Variants in GPR55 observed in about 807,000 individuals in gnomAD.
The protein encoded by GPR55 is G-protein coupled receptor 55.
A neutral mutation model predicts 7.9 loss-of-function variants in GPR55; 6 were observed. The ratio of observed to expected loss-of-function variants is 0.76; its 90% CI spans 0.41 to 1.49. GPR55 has a LOEUF of 1.49. Among genes scored for constraint, GPR55 ranks in the 40% most tolerant of loss-of-function variants. GPR55 has a pLI of 0.01. For missense variants in GPR55, 376 were observed against 406.0 expected, an observed-to-expected ratio of 0.93 and a Z score of 0.63; for synonymous variants, 183 against 166.8, an observed-to-expected ratio of 1.10 and a Z score of -0.75.
At chr2:230,920,059 A>G (rs1690799325) in intron 1 of GPR55, among the ~76,000 whole-genome samples, 1 of 149,058 alleles carries the variant, frequency 6.7e-6, no homozygotes, top group East Asian at 2.0e-4. Flanking sequence ...AAGGTGGGTG[A>G]TTTTTAAAAT....
Position 230,909,866 on chromosome 2 carries a change from C to T in GPR55, c.*137G>A. On this transcript the variant is annotated 3_prime_UTR_variant, in exon 2 of 2. Coordinates refer to ENST00000650999, the MANE Select transcript of GPR55 (RefSeq NM_005683.4). ...TTTGGGGTATAATGAGCAAAGCTGG[C>T]ACTCAATGGGCATCAAAGGGAAGCA... 3.4e-6 allele frequency: 3 copies of T among 883,346 alleles called. No individual in the cohort carries two copies. The highest frequency in any genetic ancestry group is 5.3e-6 in the Non-Finnish European group (3 of 563,464). 54.7% of individuals were successfully genotyped at this position (883,346 alleles called of 1,614,324 possible).
intron 1 of GPR55, among the ~76,000 whole-genome samples, chr2:230,920,092 TTGTG>T (rs61504370): frequency 3.3e-5 from 5 of 149,506 alleles, no homozygotes; most frequent in Middle Eastern, 3.4e-3. Context: ...TCTCTGTCTT[TTGTG>T]TGTGTGTGTG....
At chr2:230,917,041 G>C (rs28432992) in intron 1 of GPR55, among the ~76,000 whole-genome samples, 3,795 of 152,276 alleles carry the variant, frequency 0.025, 160 homozygotes, top group African/African-American at 0.086. Flanking sequence ...GAAAGACAGG[G>C]AGGCAATATT....
chr2:230,938,526 C>T (rs1691169378), intron 1 of GPR55, among the ~76,000 whole-genome samples: 1 of 152,084 alleles, frequency 6.6e-6, no homozygotes, highest in African/African-American at 2.4e-5. Context: ...TTGGTATTTC[C>T]TGATGTCTCT....
chr2:230,938,808 G>T (rs1295806063), intron 1 of GPR55, among the ~76,000 whole-genome samples: 1 of 152,198 alleles, frequency 6.6e-6, no homozygotes, highest in African/African-American at 2.4e-5. Flanking sequence ...GTCATTTAGG[G>T]CAGGAGACAA....
intron 1 of GPR55, among the ~76,000 whole-genome samples, chr2:230,940,517 T>C (rs1263557848): frequency 1.3e-5 from 2 of 152,158 alleles, no homozygotes; most frequent in Admixed American, 6.5e-5. Context: ...GAAGACAGCG[T>C]CATTCTGGAC....
chr2:230,955,856 A>C (rs1691474490), intron 1 of GPR55, among the ~76,000 whole-genome samples: 1 of 151,994 alleles, frequency 6.6e-6, no homozygotes. Context: ...TCCCCTGAGT[A>C]GCTGGGACTA....
chr2:230,912,457 T>C (rs1690615616), intron 1 of GPR55, among the ~76,000 whole-genome samples: 1 of 151,932 alleles, frequency 6.6e-6, no homozygotes, highest in South Asian at 2.1e-4. Flanking sequence ...TGAGATGGAG[T>C]CTCACTCTGT....
intron 1 of GPR55, among the ~76,000 whole-genome samples, chr2:230,931,843 T>C (rs1032845952): frequency 1.1e-4 from 16 of 152,048 alleles, no homozygotes; most frequent in Admixed American, 3.9e-4. Flanking sequence ...TCCATTCGCC[T>C]GCTTGCCCAC....
At chr2:230,954,439 T>C (rs1246517536) in intron 1 of GPR55, among the ~76,000 whole-genome samples, 1 of 152,246 alleles carries the variant, frequency 6.6e-6, no homozygotes, top group African/African-American at 2.4e-5. Flanking sequence ...CTCCTTTCCA[T>C]GCCACTGGCC....
At chr2:230,912,681 C>G (rs186141097) in intron 1 of GPR55, among the ~76,000 whole-genome samples, 150 of 152,338 alleles carry the variant, frequency 9.8e-4, no homozygotes, top group African/African-American at 3.1e-3. Flanking sequence ...CTCAGGTGAT[C>G]CACCCACCTC....
At chr2:230,947,233 T>C (rs1208287153) in intron 1 of GPR55, among the ~76,000 whole-genome samples, 2 of 152,188 alleles carry the variant, frequency 1.3e-5, no homozygotes, top group Non-Finnish European at 1.5e-5. Flanking sequence ...CAGAGTTTTG[T>C]TGGTTATGGG....
chr2:230,952,857 T>C (rs764288212), intron 1 of GPR55, among the ~76,000 whole-genome samples: 1 of 152,224 alleles, frequency 6.6e-6, no homozygotes, highest in Non-Finnish European at 1.5e-5. Flanking sequence ...TTCCAGCAGC[T>C]GAAGCCTCTG....
At chr2:230,929,958 C>G (rs1350697643), upstream of GPR55, 1 of 152,284 alleles carries the variant, frequency 6.6e-6, no homozygotes, top group African/African-American at 2.4e-5. Flanking sequence ...TCCTGAGGCC[C>G]TCCTGAGGTT....
At chr2:230,956,921 C>T (rs1559181763) in intron 1 of GPR55, among the ~76,000 whole-genome samples, 1 of 145,680 alleles carries the variant, frequency 6.9e-6, no homozygotes, top group Non-Finnish European at 1.5e-5. Flanking sequence ...TCAGATTAAC[C>T]TTTTTTTTTT....
chr2:230,936,304 T>C (rs1691130137), intron 1 of GPR55, among the ~76,000 whole-genome samples: 1 of 152,186 alleles, frequency 6.6e-6, no homozygotes, highest in African/African-American at 2.4e-5. Context: ...TCCTCACATG[T>C]CGTAGGATCG....
At chr2:230,949,766 C>A (rs1691371342) in intron 1 of GPR55, among the ~76,000 whole-genome samples, 1 of 152,118 alleles carries the variant, frequency 6.6e-6, no homozygotes, top group Admixed American at 6.5e-5. Flanking sequence ...AGAGGCCAAC[C>A]ATCTTTCATA....
intron 1 of GPR55, among the ~76,000 whole-genome samples, chr2:230,931,001 G>A (rs896904373): frequency 6.6e-6 from 1 of 152,154 alleles, no homozygotes; most frequent in Non-Finnish European, 1.5e-5. Flanking sequence ...TGAAGGCTAT[G>A]GGGAGGTCCC....
rs376090460 is a variant in GPR55 at position 230,942,787 on chromosome 2, C to T, written c.-135+17988G>A. Among the ~76,000 whole-genome samples the T allele has an allele frequency of 1.3e-3, 192 of 152,008 alleles. 2 individuals carry two copies. The highest frequency in any genetic ancestry group is 4.3e-3 in the African/African-American group (180 of 41,440). On this transcript the variant is annotated intron_variant, in intron 1 of 1. Coordinates refer to the GPR55 transcript ENST00000392039. Reference sequence around the variant, plus strand: ...GGCACCAGACCCAGAAGAAGGAACCCCCCACTCTCCACCCCCACCCCCATC... The same window carrying T: ...GGCACCAGACCCAGAAGAAGGAACCTCCCACTCTCCACCCCCACCCCCATC...
Sources: gnomAD v4.1 joint callset for allele counts (sites outside exome capture counted in the v4.1 genomes callset) on GRCh38, gnomAD v4.1.1 for gene constraint, MANE v1.5 for transcripts, NCBI Gene and HGNC (gene_info 2026-07-23, HGNC 2026-07-21) for gene names.